Variants in RAB27A observed in about 807,000 individuals in gnomAD.
RAB27A encodes the protein ras-related protein Rab-27A.
RAB27A carries 17 observed loss-of-function variants against 20.8 expected under a neutral mutation model. The ratio of observed to expected loss-of-function variants is 0.82; its 90% CI spans 0.56 to 1.23. RAB27A has a LOEUF of 1.23. RAB27A is among the 50% of genes most tolerant of loss of function. The pLI is 0.00. For missense variants in RAB27A, 277 were observed against 266.7 expected, an observed-to-expected ratio of 1.04 and a Z score of -0.27; for synonymous variants, 85 against 92.8, an observed-to-expected ratio of 0.92 and a Z score of 0.48.
At chr15:55,217,175 A>C (rs1895344432) in intron 6 of RAB27A, among the ~76,000 whole-genome samples, 1 of 152,202 alleles carries the variant, frequency 6.6e-6, no homozygotes, top group Non-Finnish European at 1.5e-5. Context: ...TAACAACTTT[A>C]AAAATCCTTA....
intron 1 of RAB27A, among the ~76,000 whole-genome samples, chr15:55,281,817 C>T (rs1226073397): frequency 6.6e-6 from 1 of 152,056 alleles, no homozygotes; most frequent in Non-Finnish European, 1.5e-5. Flanking sequence ...ACCACAGGTA[C>T]ATATTTGGAT....
intron 2 of RAB27A, among the ~76,000 whole-genome samples, chr15:55,256,078 G>C (rs1271093014): frequency 1.3e-5 from 2 of 152,154 alleles, no homozygotes; most frequent in African/African-American, 2.4e-5. Context: ...GTACATGTAA[G>C]ATCGTTGTTT....
At chr15:55,264,907 G>C (rs146855171) in intron 2 of RAB27A, among the ~76,000 whole-genome samples, 1 of 152,184 alleles carries the variant, frequency 6.6e-6, no homozygotes, top group Admixed American at 6.5e-5. Flanking sequence ...CAGTCTAATA[G>C]GTAAGCTGTT....
chr15:55,304,629 G>A (rs990917949), intron 2 of RAB27A, among the ~76,000 whole-genome samples: 1 of 152,024 alleles, frequency 6.6e-6, no homozygotes, highest in Non-Finnish European at 1.5e-5. Context: ...GTGCCATCTT[G>A]TGCATGGCTT....
At chr15:55,244,957 G>A (rs1285663030) in intron 2 of RAB27A, among the ~76,000 whole-genome samples, 3 of 152,028 alleles carry the variant, frequency 2.0e-5, no homozygotes, top group Non-Finnish European at 4.4e-5. Flanking sequence ...TTTTAATAAT[G>A]CCATTGTGGA....
chr15:55,232,506 G>C (rs1366748259), intron 3 of RAB27A, among the ~76,000 whole-genome samples: 2 of 152,080 alleles, frequency 1.3e-5, no homozygotes, highest in Non-Finnish European at 2.9e-5. Context: ...TTCCTGAGGA[G>C]GCCCAGATGT....
intron 6 of RAB27A, 63 bp from the exon 7 acceptor site, chr15:55,205,768 T>C: frequency 7.2e-7 from 1 of 1,392,156 alleles, no homozygotes; most frequent in Non-Finnish European, 1.0e-6. Flanking sequence ...CCTTTGCTCT[T>C]GATAATTCAA....
At chr15:55,229,391 C>T (rs1895943330) in intron 4 of RAB27A, among the ~76,000 whole-genome samples, 1 of 152,188 alleles carries the variant, frequency 6.6e-6, no homozygotes, top group African/African-American at 2.4e-5. Flanking sequence ...AAAAAGAGTT[C>T]TTGGCCAGGG....
At chr15:55,310,209 G>A (rs1310877506) in intron 2 of RAB27A, among the ~76,000 whole-genome samples, 1 of 152,200 alleles carries the variant, frequency 6.6e-6, no homozygotes, top group Non-Finnish European at 1.5e-5. Context: ...GTGACTGGCT[G>A]TCCTAGGACC....
chr15:55,267,850 T>C (rs955572225), intron 2 of RAB27A, among the ~76,000 whole-genome samples: 3 of 152,134 alleles, frequency 2.0e-5, no homozygotes, highest in African/African-American at 7.2e-5. Context: ...AGAGGCAGCC[T>C]AGTTGCCGTG....
At chr15:55,255,056 T>C (rs116514297) in intron 2 of RAB27A, among the ~76,000 whole-genome samples, 1,831 of 152,290 alleles carry the variant, frequency 0.012, 48 homozygotes, top group African/African-American at 0.042. Context: ...ACATGAGCAA[T>C]TATTTGTCTT....
intron 1 of RAB27A, among the ~76,000 whole-genome samples, chr15:55,276,926 T>C (rs1897889828): frequency 6.6e-6 from 1 of 152,212 alleles, no homozygotes; most frequent in Non-Finnish European, 1.5e-5. Context: ...GGTGAATAAT[T>C]ATCCCCAAAT....
intron 2 of RAB27A, among the ~76,000 whole-genome samples, chr15:55,242,006 C>T (rs1896512356): frequency 6.6e-6 from 1 of 151,954 alleles, no homozygotes; most frequent in African/African-American, 2.4e-5. Context: ...TCTCTCTCTG[C>T]TACACACACA....
chr15:55,312,771 G>A (rs1283192793), intron 2 of RAB27A, among the ~76,000 whole-genome samples: 14 of 152,176 alleles, frequency 9.2e-5, no homozygotes, highest in Admixed American at 8.5e-4. Context: ...TTCCTCAAAT[G>A]TATTAACATT....
At chr15:55,241,948 G>T (rs1224125390) in intron 2 of RAB27A, among the ~76,000 whole-genome samples, 5 of 151,980 alleles carry the variant, frequency 3.3e-5, no homozygotes, top group Non-Finnish European at 5.9e-5. Context: ...GAAGAGAGTA[G>T]ATTTAGTTAA....
chr15:55,281,844 T>C (rs1406166967), intron 1 of RAB27A, among the ~76,000 whole-genome samples: 2 of 152,120 alleles, frequency 1.3e-5, no homozygotes, highest in African/African-American at 4.8e-5. Context: ...CCTATTACAA[T>C]GAAAGCAACT....
intron 1 of RAB27A, among the ~76,000 whole-genome samples, chr15:55,275,348 C>T (rs111575140): frequency 5.3e-5 from 8 of 151,910 alleles, no homozygotes; most frequent in African/African-American, 1.2e-4. Context: ...GGCAACTGGC[C>T]GGGCATGGTG....
chr15:55,312,043 C>T (rs1433879879), intron 2 of RAB27A, among the ~76,000 whole-genome samples: 2 of 152,166 alleles, frequency 1.3e-5, no homozygotes, highest in Non-Finnish European at 2.9e-5. Flanking sequence ...AGCCGTGGGT[C>T]ACGGAAGAGA....
chr15:55,215,907 C>A (rs537082051), intron 6 of RAB27A, among the ~76,000 whole-genome samples: 1 of 138,646 alleles, frequency 7.2e-6, no homozygotes, highest in Admixed American at 8.0e-5. Flanking sequence ...GATCGTGCTA[C>A]GGCACTCAAG....
Sources: gnomAD v4.1 joint callset for allele counts (sites outside exome capture counted in the v4.1 genomes callset) on GRCh38, gnomAD v4.1.1 for gene constraint, MANE v1.5 for transcripts, NCBI Gene and HGNC (gene_info 2026-07-23, HGNC 2026-07-21) for gene names.